The following KIAA0319 variants were observed in gnomAD, a reference collection of about 807,000 sequenced individuals.
KIAA0319 encodes KIAA0319, also known as dyslexia-associated protein KIAA0319.
Under a neutral mutation model 108.4 loss-of-function variants are expected in KIAA0319, and 83 were observed. That is an observed-to-expected ratio of 0.77 (90% CI 0.64 to 0.92). KIAA0319 has a LOEUF of 0.92. Ranked by LOEUF, KIAA0319 falls within the 40% of genes least tolerant of loss-of-function variation. The pLI, the probability that KIAA0319 is intolerant of heterozygous loss-of-function variation, is 0.00. For missense variants in KIAA0319, 1,195 were observed against 1,322.4 expected, an observed-to-expected ratio of 0.90 and a Z score of 1.49; for synonymous variants, 484 against 510.4, an observed-to-expected ratio of 0.95 and a Z score of 0.70.
chr6:24,583,420 C>T (rs1171218704), intron 5 of KIAA0319, among the ~76,000 whole-genome samples, 184 bp downstream of exon 5: 1 of 152,204 alleles, frequency 6.6e-6, no homozygotes, highest in African/African-American at 2.4e-5. Context: ...TAGATTCTTA[C>T]TCCATTTGAA....
chr6:24,612,997 C>T (rs1772584055), intron 1 of KIAA0319, among the ~76,000 whole-genome samples: 1 of 152,164 alleles, frequency 6.6e-6, no homozygotes, highest in East Asian at 1.9e-4. Context: ...GACGGGGTTT[C>T]ACCACGTTAG....
rs139576937 is a variant in KIAA0319 at position 24,559,128 on chromosome 6, G to T, written c.2619C>A (p.Ser873Arg). 5 of 1,613,504 alleles carry T rather than the reference G, an allele frequency of 3.1e-6. No individual in the cohort carries two copies. The Admixed American group carries it at 8.3e-5, about 27-fold the overall frequency. The change falls in exon 17 of 21, where the codon AGC (serine) becomes AGA (arginine). Residue 873 changes from serine (S) to arginine (R), a missense_variant. Physicochemically the swap from Ser to Arg is moderately radical, Grantham distance 110. Coordinates refer to ENST00000378214, the MANE Select transcript of KIAA0319 (RefSeq NM_014809.4). ...LSTVIVFYVQ[S>R]RPPFKVLKAA... Reference sequence around the variant, plus strand: ...CTTTGAGAACCTTGAAAGGCGGCCTGCTCTGTACATAAAACACAATCACGG... The same window carrying T: ...CTTTGAGAACCTTGAAAGGCGGCCTTCTCTGTACATAAAACACAATCACGG...
chr6:24,573,644 G>A (rs1051874110), intron 10 of KIAA0319, among the ~76,000 whole-genome samples: 1 of 152,136 alleles, frequency 6.6e-6, no homozygotes, highest in Admixed American at 6.5e-5. Context: ...ACAGACACAT[G>A]GAAAAGATTC....
At position 24,598,887 on chromosome 6, in the gene KIAA0319, AT is replaced by A. The variant is rs1425346666; in HGVS notation, c.55+2161del. 2.9e-4 allele frequency: 101 copies of A among 342,494 alleles called. No individual in the cohort carries two copies. In the East Asian group the frequency reaches 5.2e-3, roughly 18 times the overall value. 21.2% of individuals were successfully genotyped at this position (342,494 alleles called of 1,614,324 possible). A position where few individuals can be genotyped will look rare whatever the true frequency, so the allele number is the denominator to read the frequency against. ...TGAGAAGACTGCATTTAAAAAAAAA[AT>A]AAAAAGTAAAAAAATAATTTTAGCG... is the stretch of plus-strand genomic sequence containing the variant. On this transcript the variant is annotated intron_variant, in intron 2 of 20. Transcript: ENST00000378214.
intron 10 of KIAA0319, among the ~76,000 whole-genome samples, chr6:24,574,354 T>C (rs1483809815): frequency 6.6e-6 from 1 of 151,764 alleles, no homozygotes; most frequent in African/African-American, 2.4e-5. Flanking sequence ...GGAGGATCTT[T>C]TGAGCCCAGG....
intron 3 of KIAA0319, among the ~76,000 whole-genome samples, chr6:24,589,434 G>A (rs1768101132): frequency 1.3e-5 from 2 of 152,232 alleles, no homozygotes; most frequent in South Asian, 4.1e-4. Flanking sequence ...TAGGCTTTGT[G>A]CCCCCACCCA....
At chr6:24,542,110 C>T (rs974101108), downstream of KIAA0319, among the ~76,000 whole-genome samples, 9 of 152,250 alleles carry the variant, frequency 5.9e-5, no homozygotes, top group East Asian at 1.7e-3. Context: ...CACTGCGCTC[C>T]AGCCTGAGCA....
At chr6:24,642,827 C>T (rs750619693) in intron 1 of KIAA0319, among the ~76,000 whole-genome samples, 7 of 151,928 alleles carry the variant, frequency 4.6e-5, no homozygotes, top group Non-Finnish European at 1.0e-4. Flanking sequence ...TCAAGTGATT[C>T]GCCTGCCTCA....
downstream of KIAA0319, among the ~76,000 whole-genome samples, chr6:24,541,143 CA>C (rs200808574): frequency 2.7e-5 from 4 of 149,844 alleles, no homozygotes; most frequent in African/African-American, 4.9e-5. Context: ...TATATACATG[CA>C]AAAAAAAAGG....
intron 8 of KIAA0319, among the ~76,000 whole-genome samples, chr6:24,579,400 CCT>C (rs1766018102): frequency 1.7e-5 from 2 of 114,386 alleles, no homozygotes; most frequent in African/African-American, 8.4e-5. Context: ...CACGGGAGCT[CCT>C]CTATATAAAG....
intron 20 of KIAA0319, 152 bp downstream of exon 20, chr6:24,551,282 G>C (rs1761458498): frequency 3.1e-6 from 2 of 641,392 alleles, no homozygotes; most frequent in African/African-American, 3.7e-5. Flanking sequence ...CCTGAAGGTT[G>C]TTTTTCATCA....
At chr6:24,552,614 CT>C (rs1305246037) in intron 19 of KIAA0319, among the ~76,000 whole-genome samples, 1 of 151,906 alleles carries the variant, frequency 6.6e-6, no homozygotes, top group African/African-American at 2.4e-5. Context: ...AAATACACTC[CT>C]TTTTTTTGAG....
At chr6:24,574,641 T>G (rs914032416) in intron 10 of KIAA0319, among the ~76,000 whole-genome samples, 13 of 152,196 alleles carry the variant, frequency 8.5e-5, no homozygotes, top group African/African-American at 3.1e-4. Context: ...TTATTACAAT[T>G]TATTTACTTT....
At chr6:24,593,930 G>C (rs1462053368) in intron 3 of KIAA0319, among the ~76,000 whole-genome samples, 10 of 151,650 alleles carry the variant, frequency 6.6e-5, no homozygotes, top group African/African-American at 2.4e-4. Context: ...GCCAGGTGCA[G>C]TGGCTCATGC....
chr6:24,547,996 A>G (rs537290773), intron 20 of KIAA0319, among the ~76,000 whole-genome samples: 1 of 152,242 alleles, frequency 6.6e-6, no homozygotes, highest in South Asian at 2.1e-4. Flanking sequence ...TCGTGTTGCT[A>G]TGCTCTAGCC....
In KIAA0319 at chr6:24,545,139, CTCCA is replaced by C. The variant is rs1760474039; in HGVS notation, c.*2022_*2025del. 1.3e-5 allele frequency: 2 copies of C among 152,190 alleles called. No homozygotes were observed. The highest frequency in any genetic ancestry group is 2.9e-5 in the Non-Finnish European group (2 of 68,046). The allele number at this position is 152,190 out of a possible 1,614,324, so 9.4% of individuals were successfully genotyped here. A position where few individuals can be genotyped will look rare whatever the true frequency, so the allele number is the denominator to read the frequency against. ...CCCAAAAGTTCCACCAGAATTTGCC[CTCCA>C]TCCATCAAGGCAGGAGTTCTTTGTT... On this transcript the variant is annotated 3_prime_UTR_variant, in exon 21 of 21. Coordinates refer to ENST00000378214, the MANE Select transcript of KIAA0319 (RefSeq NM_014809.4).
chr6:24,578,757 C>CA, intron 8 of KIAA0319, among the ~76,000 whole-genome samples: 1 of 152,268 alleles, frequency 6.6e-6, no homozygotes, highest in East Asian at 1.9e-4. Flanking sequence ...CATAATGTGC[C>CA]ATGCAGATTC....
intron 1 of KIAA0319, among the ~76,000 whole-genome samples, chr6:24,635,070 T>A (rs776458099): frequency 1.6e-4 from 25 of 152,142 alleles, no homozygotes; most frequent in Non-Finnish European, 3.7e-4. Flanking sequence ...AGCTATCTGC[T>A]TAGGAACAAA....
chr6:24,559,416 A>C (rs1035778655), intron 16 of KIAA0319, among the ~76,000 whole-genome samples: 1 of 152,228 alleles, frequency 6.6e-6, no homozygotes, highest in South Asian at 2.1e-4. Flanking sequence ...TCAGTTTTTG[A>C]AAATCCTAAC....
Sources: allele counts gnomAD v4.1 joint callset (sites outside exome capture counted in the v4.1 genomes callset), GRCh38; gene constraint gnomAD v4.1.1; transcripts MANE v1.5; gene names NCBI Gene and HGNC (gene_info 2026-07-23, HGNC 2026-07-21).